Variants in FRS2 observed in about 807,000 individuals in gnomAD.
FRS2 encodes the protein FGFR signalling adaptor.
FRS2 carries 8 observed loss-of-function variants against 43.9 expected under a neutral mutation model. The ratio of observed to expected loss-of-function variants is 0.18; its 90% CI spans 0.11 to 0.33. The LOEUF is 0.33. Among genes scored for constraint, FRS2 ranks in the 10% least tolerant of loss-of-function variants. FRS2 has a pLI of 1.00. For missense variants in FRS2, 534 were observed against 627.6 expected, an observed-to-expected ratio of 0.85 and a Z score of 1.59; for synonymous variants, 219 against 220.3, an observed-to-expected ratio of 0.99 and a Z score of 0.05.
rs1188239711 is a variant in FRS2, at chr12:69,574,993, T to C, written c.*38T>C. ...TTGTGTTGTTTGCACCTTTGTGAAG[T>C]TTTTAAAAATGAAGATGCAAGTGCT... On this transcript the variant is annotated 3_prime_UTR_variant, in exon 9 of 9. Transcript: ENST00000549921. 1.5e-6 allele frequency: 2 copies of C among 1,340,382 alleles called. No homozygotes were observed. The highest frequency in any genetic ancestry group is 2.1e-6 in the Non-Finnish European group (2 of 951,096). The allele number at this position is 1,340,382 out of a possible 1,614,324, so 83.0% of individuals were successfully genotyped here.
At chr12:69,542,100 C>G (rs1877965301) in intron 3 of FRS2, among the ~76,000 whole-genome samples, 1 of 152,128 alleles carries the variant, frequency 6.6e-6, no homozygotes, top group Non-Finnish European at 1.5e-5. Flanking sequence ...TTTATTGCCT[C>G]TACAACCAGA....
rs2135822214 is a variant in FRS2 at position 69,574,197 on chromosome 12, C to G, written c.769C>G (p.Pro257Ala). The change falls in exon 9 of 9, where the codon CCT (proline) becomes GCT (alanine). Residue 257 changes from proline (P) to alanine (A), a missense_variant. Physicochemically the swap from Pro to Ala is conservative, Grantham distance 27. Around this residue, in one of 3 missense-constraint regions of FRS2, gnomAD observed 446 missense variants for 494.2 expected, o/e 0.90. Coordinates refer to ENST00000549921, the MANE Select transcript of FRS2 (RefSeq NM_001278356.2). ...EGVKFVLGPT[P>A]VQKQLMEKEK... ...AGTCAAATTTGTTTTAGGGCCAACC[C>G]CTGTTCAAAAGCAGTTAATGGAAAA... is the stretch of plus-strand genomic sequence containing the variant. The G allele has an allele frequency of 6.2e-7, 1 of 1,614,140 alleles. No individual in the cohort carries two copies.
intron 3 of FRS2, among the ~76,000 whole-genome samples, chr12:69,560,222 CT>C (rs1179879835): frequency 6.6e-6 from 1 of 152,086 alleles, no homozygotes; most frequent in East Asian, 1.9e-4. Context: ...AGAATTTTAC[CT>C]GTAATGGTGA....
chr12:69,522,416 G>C (rs1474425957), intron 1 of FRS2, among the ~76,000 whole-genome samples: 1 of 151,972 alleles, frequency 6.6e-6, no homozygotes, highest in Non-Finnish European at 1.5e-5. Flanking sequence ...GTCTGTGATG[G>C]TATTTTTATA....
intron 3 of FRS2, among the ~76,000 whole-genome samples, chr12:69,559,359 G>T (rs1593054109): frequency 6.6e-6 from 1 of 152,068 alleles, no homozygotes; most frequent in Admixed American, 6.5e-5. Context: ...GAAGTGATTT[G>T]TAAGTAATGT....
rs1344600202 is a variant in FRS2 at position 69,575,298 on chromosome 12, T to G, written c.*343T>G. On this transcript the variant is annotated 3_prime_UTR_variant, in exon 9 of 9. Coordinates refer to ENST00000549921, the MANE Select transcript of FRS2 (RefSeq NM_001278356.2). ...TAAGTCATGGTTGGCTTTTAAAACT[T>G]TTTATAAAGCCTCTTGACAATGTAC... The G allele has an allele frequency of 4.4e-6, 1 of 226,580 alleles. No homozygotes were observed. Among genetic ancestry groups the G allele is most frequent in the East Asian group, 9.6e-5 (1 of 10,412 alleles). The allele number at this position is 226,580 out of a possible 1,614,324, so 14.0% of individuals were successfully genotyped here. A position where few individuals can be genotyped will look rare whatever the true frequency, so the allele number is the denominator to read the frequency against.
chr12:69,484,095 C>CTTTTTTTTTTTTTTTT (rs368221087), intron 1 of FRS2, among the ~76,000 whole-genome samples: 78 of 149,242 alleles, frequency 5.2e-4, no homozygotes, highest in Non-Finnish European at 8.2e-4. Context: ...GCTTTTCTTT[C>CTTTTTTTTTTTTTTTT]TTTTTTTTTG....
intron 3 of FRS2, among the ~76,000 whole-genome samples, chr12:69,557,617 TGTGCGCGCGCGC>T (rs1341055778): frequency 7.7e-5 from 9 of 117,096 alleles, no homozygotes; most frequent in East Asian, 7.6e-4. Flanking sequence ...TGTGTGTGTG[TGTGCGCGCGCGC>T]GCGCGCGCAG....
chr12:69,491,490 T>C (rs529885148), intron 1 of FRS2: 10 of 150,514 alleles, frequency 6.6e-5, no homozygotes, highest in African/African-American at 2.2e-4. Flanking sequence ...TTCCTATCTT[T>C]GGTGCGTTTC....
chr12:69,530,269 TTC>T (rs1876660153), intron 1 of FRS2, among the ~76,000 whole-genome samples: 1 of 151,620 alleles, frequency 6.6e-6, no homozygotes, highest in Non-Finnish European at 1.5e-5. Context: ...TACCATATAT[TTC>T]TTTTTTTTTT....
In FRS2 at chr12:69,576,615, A is replaced by G. The variant is rs1022028562; in HGVS notation, c.*1660A>G. On this transcript the variant is annotated 3_prime_UTR_variant, in exon 9 of 9. Transcript: ENST00000549921. ...AAAGTTTTAGTCATATTGGCATCCAACCTATTCAGTAACCGAATCATAGGA... is the reference window on the plus strand; with the variant it reads ...AAAGTTTTAGTCATATTGGCATCCAGCCTATTCAGTAACCGAATCATAGGA... The G allele has an allele frequency of 1.3e-5, 2 of 152,216 alleles. No homozygotes were observed. Among genetic ancestry groups the G allele is most frequent in the East Asian group, 1.9e-4 (1 of 5,200 alleles). The allele number at this position is 152,216 out of a possible 1,614,324, so 9.4% of individuals were successfully genotyped here.
intron 1 of FRS2, among the ~76,000 whole-genome samples, chr12:69,512,837 G>T (rs1874591963): frequency 6.6e-6 from 1 of 152,128 alleles, no homozygotes; most frequent in South Asian, 2.1e-4. Flanking sequence ...AGAACGTTAT[G>T]TTAAAAAGAA....
chr12:69,555,525 C>T (rs1477213312), intron 3 of FRS2, among the ~76,000 whole-genome samples: 2 of 152,154 alleles, frequency 1.3e-5, no homozygotes, highest in Non-Finnish European at 1.5e-5. Context: ...TGTTACAAAA[C>T]GTATATACAA....
chr12:69,470,688 G>A (rs1046992995), intron 1 of FRS2, among the ~76,000 whole-genome samples, 158 bp downstream of exon 1: 1 of 152,124 alleles, frequency 6.6e-6, no homozygotes, highest in African/African-American at 2.4e-5. Context: ...CCGGGCCAGC[G>A]GGACGGGAAG....
intron 1 of FRS2, among the ~76,000 whole-genome samples, chr12:69,477,867 A>G (rs1262317852): frequency 6.6e-6 from 1 of 150,946 alleles, no homozygotes; most frequent in Non-Finnish European, 1.5e-5. Flanking sequence ...CAGCCTCCCG[A>G]ATAGCTGGGA....
At chr12:69,508,729 T>TA (rs769263781) in intron 1 of FRS2, among the ~76,000 whole-genome samples, 7 of 152,344 alleles carry the variant, frequency 4.6e-5, no homozygotes, top group Admixed American at 2.6e-4. Context: ...TTCTTTTAGT[T>TA]ATTTGTTCTG....
intron 3 of FRS2, among the ~76,000 whole-genome samples, chr12:69,546,715 A>G (rs1351299607): frequency 6.6e-6 from 1 of 152,196 alleles, no homozygotes; most frequent in African/African-American, 2.4e-5. Flanking sequence ...TTTTTTAAAA[A>G]ATAGAAAGTA....
At chr12:69,522,415 G>A (rs770714173) in intron 1 of FRS2, among the ~76,000 whole-genome samples, 3 of 151,822 alleles carry the variant, frequency 2.0e-5, no homozygotes, top group Non-Finnish European at 4.4e-5. Context: ...AGTCTGTGAT[G>A]GTATTTTTAT....
At chr12:69,540,025 G>A (rs992006537) in intron 3 of FRS2, among the ~76,000 whole-genome samples, 39 of 151,454 alleles carry the variant, frequency 2.6e-4, no homozygotes, top group African/African-American at 9.2e-4. Context: ...AGGCCGAGGC[G>A]GGTGGATCAT....
Sources: gnomAD v4.1 joint callset for allele counts (sites outside exome capture counted in the v4.1 genomes callset) on GRCh38, gnomAD v4.1.1 for gene constraint, gnomAD v4.1.1 regional missense constraint, MANE v1.5 for transcripts, NCBI Gene and HGNC (gene_info 2026-07-23, HGNC 2026-07-21) for gene names.